NTRK3: variants seen among roughly 807,000 people sequenced by gnomAD.
The protein encoded by NTRK3 is NT-3 growth factor receptor.
In NTRK3, 24 loss-of-function variants were observed where a neutral mutation model predicts 91.7. That is an observed-to-expected ratio of 0.26 (90% CI 0.19 to 0.37). The LOEUF (loss-of-function observed/expected upper bound fraction) is 0.37, where lower values mean the gene tolerates loss of function less well. Among genes scored for constraint, NTRK3 ranks in the 10% least tolerant of loss-of-function variants. The pLI, the probability that NTRK3 is intolerant of heterozygous loss-of-function variation, is 1.00. For missense variants in NTRK3, 880 were observed against 1,068.9 expected (o/e 0.82, Z 2.46); for synonymous variants, 483 against 404.0 (o/e 1.20, Z -2.34).
chr15:88,099,214 C>G, intron 13 of NTRK3: 1 of 229,170 alleles, frequency 4.4e-6, no homozygotes, highest in Non-Finnish European at 8.7e-6. Context: ...AGAAAGATGG[C>G]AGCAACTTGG....
rs186464339 is a variant in NTRK3 at position 87,994,199 on chromosome 15, G to A, written c.1585+38658C>T. 1.5e-3 allele frequency among the ~76,000 whole-genome samples: 224 copies of A among 152,152 alleles called. 1 individual carries two copies. Among genetic ancestry groups the A allele is most frequent in the African/African-American group, 5.2e-3 (215 of 41,512 alleles). On this transcript the variant is annotated intron_variant, in intron 14 of 18. Transcript: ENST00000394480. ...GGGAGCGGGAGACATTCCATGTGGCGGGAGCAACAGACAAAGCATAGCAAA... is the reference window on the plus strand; with the variant it reads ...GGGAGCGGGAGACATTCCATGTGGCAGGAGCAACAGACAAAGCATAGCAAA...
At chr15:87,948,267 T>C (rs112176109) in intron 14 of NTRK3, among the ~76,000 whole-genome samples, 3,624 of 152,316 alleles carry the variant, frequency 0.024, 135 homozygotes, top group African/African-American at 0.076. Context: ...GGATGATTTA[T>C]AGACTAGGAG....
chr15:87,914,625 G>A (rs1337272397), intron 17 of NTRK3, among the ~76,000 whole-genome samples: 1 of 152,146 alleles, frequency 6.6e-6, no homozygotes, highest in African/African-American at 2.4e-5. Flanking sequence ...TGCCTTCAAG[G>A]GAACTTATGC....
intron 17 of NTRK3, among the ~76,000 whole-genome samples, chr15:87,884,695 C>T (rs1182939593): frequency 6.6e-6 from 1 of 151,558 alleles, no homozygotes; most frequent in African/African-American, 2.4e-5. Context: ...AATGTCTCAA[C>T]CTTGGGGAAC....
intron 12 of NTRK3, 93 bp downstream of exon 12, chr15:88,127,069 G>A: frequency 1.8e-6 from 2 of 1,119,514 alleles, no homozygotes; most frequent in Non-Finnish European, 1.3e-6. Context: ...AAAGTTTCAA[G>A]TAAGATAATA....
At chr15:87,976,044 A>G (rs1288729121) in intron 14 of NTRK3, among the ~76,000 whole-genome samples, 5 of 151,966 alleles carry the variant, frequency 3.3e-5, no homozygotes, top group African/African-American at 9.7e-5. Flanking sequence ...ATCTTTATCT[A>G]TTATCTCTTC....
At chr15:88,107,713 T>A (rs1399437550) in intron 13 of NTRK3, among the ~76,000 whole-genome samples, 1 of 151,958 alleles carries the variant, frequency 6.6e-6, no homozygotes, top group South Asian at 2.1e-4. Flanking sequence ...TTGGGAAGAA[T>A]GGATAAAGCC....
At chr15:88,139,465 C>G (rs1184384438) in intron 6 of NTRK3, among the ~76,000 whole-genome samples, 1 of 152,054 alleles carries the variant, frequency 6.6e-6, no homozygotes, top group African/African-American at 2.4e-5. Flanking sequence ...CAAAATTAAT[C>G]AGCTTTCAGG....
chr15:88,100,312 G>T lies in NTRK3; in HGVS notation c.1396+25959C>A, dbSNP rs77156551. On this transcript the variant is annotated intron_variant, in intron 13 of 18. Transcript: ENST00000394480. Reference sequence around the variant, plus strand: ...GTGTGTTATAACCAAACAGCCAAAAGGACTGATCCTCCCAACACCCCTGTT... The same window carrying T: ...GTGTGTTATAACCAAACAGCCAAAATGACTGATCCTCCCAACACCCCTGTT... Among the ~76,000 whole-genome samples, 1,134 of 152,278 alleles carry T rather than the reference G, an allele frequency of 7.4e-3. 9 individuals are homozygous for T. Among genetic ancestry groups the T allele is most frequent in the Non-Finnish European group, 0.012 (829 of 68,026 alleles).
chr15:87,970,939 T>A (rs1271005013), intron 14 of NTRK3, among the ~76,000 whole-genome samples: 2 of 152,102 alleles, frequency 1.3e-5, no homozygotes, highest in African/African-American at 2.4e-5. Flanking sequence ...ATTGACCCAA[T>A]AAAATTATTA....
At chr15:88,213,518 G>GACAA (rs1235666601) in intron 3 of NTRK3, among the ~76,000 whole-genome samples, 2 of 151,400 alleles carry the variant, frequency 1.3e-5, no homozygotes, top group African/African-American at 4.9e-5. Context: ...CAGACAGACA[G>GACAA]ACAAGGCAGC....
chr15:88,227,831 C>A (rs929590583), intron 3 of NTRK3, among the ~76,000 whole-genome samples: 2 of 152,008 alleles, frequency 1.3e-5, no homozygotes, highest in Non-Finnish European at 2.9e-5. Context: ...AGCTGCATGC[C>A]CCTCGCAGCA....
chr15:87,896,717 A>G (rs1189914019), intron 17 of NTRK3, among the ~76,000 whole-genome samples: 3 of 152,146 alleles, frequency 2.0e-5, no homozygotes, highest in Non-Finnish European at 4.4e-5. Context: ...GCACTCACAG[A>G]TACATGTCCA....
chr15:88,155,967 G>T (rs985936346), intron 5 of NTRK3, among the ~76,000 whole-genome samples: 1 of 152,066 alleles, frequency 6.6e-6, no homozygotes, highest in African/African-American at 2.4e-5. Context: ...GCCATGAGTG[G>T]CCAAAGGCTA....
Position 88,255,760 on chromosome 15 carries a change from G to C in NTRK3, c.248+146C>G, listed in dbSNP as rs1453742141. The C allele has an allele frequency of 2.1e-5, 12 of 567,654 alleles. No individual in the cohort carries two copies. In the East Asian group the frequency reaches 3.0e-4, roughly 14 times the overall value. 35.2% of individuals were successfully genotyped at this position (567,654 alleles called of 1,614,324 possible). A position where few individuals can be genotyped will look rare whatever the true frequency, so the allele number is the denominator to read the frequency against. On this transcript the variant is annotated intron_variant, in intron 3 of 18. Coordinates refer to ENST00000394480, the Ensembl canonical transcript of NTRK3. This position sits in a 1 kb window ranked among gnomAD's most constrained non-coding sequence, Gnocchi z 4.3. ...AATGCGCAGCCGGAGAGCATCTCCCGAGCCAGAGCGAGCCTGACGCGCGCC... is the reference window on the plus strand; with the variant it reads ...AATGCGCAGCCGGAGAGCATCTCCCCAGCCAGAGCGAGCCTGACGCGCGCC...
chr15:88,099,779 G>A (rs574759306), intron 13 of NTRK3, among the ~76,000 whole-genome samples: 1 of 152,286 alleles, frequency 6.6e-6, no homozygotes, highest in Admixed American at 6.5e-5. Flanking sequence ...TAGTTACTAA[G>A]TGCTCACATG....
chr15:87,965,971 G>A (rs460239), intron 14 of NTRK3, among the ~76,000 whole-genome samples: 21 of 152,030 alleles, frequency 1.4e-4, no homozygotes, highest in Non-Finnish European at 2.4e-4. Context: ...CCAGCTACTC[G>A]GGAGGCTGAG....
At chr15:87,951,002 C>T (rs550143419) in intron 14 of NTRK3, among the ~76,000 whole-genome samples, 13 of 152,186 alleles carry the variant, frequency 8.5e-5, no homozygotes, top group Non-Finnish European at 1.8e-4. Context: ...ATTCTGATAA[C>T]CTGGCCCAAA....
intron 5 of NTRK3, among the ~76,000 whole-genome samples, chr15:88,161,599 G>A (rs2044462313): frequency 6.6e-6 from 1 of 152,198 alleles, no homozygotes; most frequent in African/African-American, 2.4e-5. Flanking sequence ...ATGTGTGACA[G>A]CCATAAAAAA....
Sources: allele counts gnomAD v4.1 joint callset (sites outside exome capture counted in the v4.1 genomes callset), GRCh38; gene constraint gnomAD v4.1.1; non-coding constraint Gnocchi (gnomAD v3.1); transcripts MANE v1.5; gene names NCBI Gene and HGNC (gene_info 2026-07-23, HGNC 2026-07-21).